The following TTN variants were observed in gnomAD, a reference collection of about 807,000 sequenced individuals.
TTN encodes the protein titin.
A neutral mutation model predicts 3,223.0 loss-of-function variants in TTN; 1,525 were observed. The ratio of observed to expected loss-of-function variants is 0.47; its 90% confidence interval spans 0.45 to 0.49. The LOEUF (loss-of-function observed/expected upper bound fraction) is 0.49, where lower values mean the gene tolerates loss of function less well. Among genes scored for constraint, TTN ranks in the 20% least tolerant of loss-of-function variants. The pLI is 0.00. For synonymous variants in TTN, 14,094 were observed against 15,161.0 expected (o/e 0.93, Z 5.17); for missense variants, 40,786 against 43,424.0 (o/e 0.94, Z 5.40).
Position 178,734,615 on chromosome 2 carries a change from G to A in TTN, c.15218-9C>T. On this transcript the variant is annotated splice_polypyrimidine_tract_variant and intron_variant, in intron 51 of 362. Transcript: ENST00000589042. ...GATGAAAGAAGGAGGTTCTACAAAA[G>A]CATGAAAGCATTGTGTAAGTAATGG... 6.4e-7 allele frequency: 1 copy of A among 1,559,666 alleles called. No individual in the cohort carries two copies. Among genetic ancestry groups the A allele is most frequent in the South Asian group, 1.2e-5 (1 of 80,210 alleles).
At position 178,741,091 on chromosome 2, in the gene TTN, C is replaced by A. The variant is rs1020592902; in HGVS notation, c.12142G>T (p.Ala4048Ser). Reference sequence around the variant, plus strand: ...GGTGTCTGTGGAAAATCCTCAGGAGCCTCTGGTGTGGACTTTGCTTTGCAG... The same window carrying A: ...GGTGTCTGTGGAAAATCCTCAGGAGACTCTGGTGTGGACTTTGCTTTGCAG... Reference protein sequence around the residue: ...TPCKAKSTPEAPEDFPQTPLK... With the variant: ...TPCKAKSTPESPEDFPQTPLK... Residue 4048 changes from alanine to serine, a missense_variant, in exon 48 of 363, where the codon GCT becomes TCT. Coordinates refer to ENST00000589042, the MANE Select transcript of TTN (RefSeq NM_001267550.2). 4.3e-6 allele frequency: 7 copies of A among 1,613,736 alleles called. No individual in the cohort carries two copies. In the African/African-American group the frequency reaches 9.3e-5, roughly 22 times the overall value.
At chr2:178,647,911 G>A (rs2062275866) in intron 213 of TTN, among the ~76,000 whole-genome samples, 2 of 151,936 alleles carry the variant, frequency 1.3e-5, no homozygotes, top group South Asian at 4.2e-4. Flanking sequence ...CATTCTTTTG[G>A]CCATCTAGCT....
rs201304715 is a variant in TTN at position 178,751,488 on chromosome 2, T to A, written c.11311+1636A>T. On this transcript the variant is annotated intron_variant, in intron 47 of 362. Transcript: ENST00000589042. The stretch of plus-strand genomic sequence containing the variant: ...TGTTTTTTGTTAAAGGGAGAGCCAG[T>A]AAACCTCAGGTCAACCTTTATCCTA... 80 of 1,613,410 alleles carry A rather than the reference T, an allele frequency of 5.0e-5. No individual in the cohort carries two copies. Among genetic ancestry groups the A allele is most frequent in the Non-Finnish European group, 6.2e-5 (73 of 1,179,528 alleles).
At chr2:178,663,943 G>C in intron 169 of TTN, 41 bp from the exon 170 acceptor site, 2 of 1,611,746 alleles carry the variant, frequency 1.2e-6, no homozygotes, top group South Asian at 2.2e-5. Context: ...GTGTTATGAA[G>C]ACCGCTAGAA....
intron 300 of TTN, 29 bp downstream of exon 300, chr2:178,592,746 G>A: frequency 3.7e-6 from 6 of 1,612,478 alleles, no homozygotes; most frequent in Non-Finnish European, 5.1e-6. Context: ...TATTTTCCTT[G>A]CAAACACAAG....
chr2:178,581,795 C>A lies in TTN; in HGVS notation c.66473G>T (p.Gly22158Val), dbSNP rs569333267. 3 of 1,595,518 alleles carry A rather than the reference C, an allele frequency of 1.9e-6. No homozygotes were observed. The African/African-American group carries it at 4.1e-5, about 22-fold the overall frequency. ...AYARDPQYPPGPPAFPKVYDT... is the reference protein window; with the variant it reads ...AYARDPQYPPVPPAFPKVYDT... ...ATATACTTTAGGGAAAGCCGGTGGG[C>A]CAGGAGGATCTGAGAATAAATAATG... The change falls in exon 316 of 363, where the codon GGC becomes GTC. Residue 22158 changes from glycine (G) to valine (V), a missense_variant. By Grantham distance (109) the Gly-to-Val change is moderately radical. Coordinates refer to ENST00000589042, the MANE Select transcript of TTN (RefSeq NM_001267550.2).
At position 178,550,076 on chromosome 2, in the gene TTN, C is replaced by G. The variant is rs878854399; in HGVS notation, c.91762G>C (p.Asp30588His). The change falls in exon 337 of 363, where the codon GAT (aspartate) becomes CAT (histidine). Residue 30588 changes from aspartate (D) to histidine (H), a missense_variant. Coordinates refer to ENST00000589042, the MANE Select transcript of TTN (RefSeq NM_001267550.2). ...VLGSTSLFVR[D>H]ATRDHRGVYT... ...ACACCACGATGGTCCCGAGTAGCATCTCTAACAAATAGGCTGGTGGATCCA... is the reference window on the plus strand; with the variant it reads ...ACACCACGATGGTCCCGAGTAGCATGTCTAACAAATAGGCTGGTGGATCCA... The G allele has an allele frequency of 1.2e-6, 2 of 1,613,802 alleles. No homozygotes were observed. The highest frequency in any genetic ancestry group is 1.7e-5 in the Admixed American group (1 of 60,004).
chr2:178,527,807 A>G, intron 361 of TTN, 59 bp from the exon 362 acceptor site: 8 of 1,463,174 alleles, frequency 5.5e-6, no homozygotes, highest in Non-Finnish European at 9.2e-7. Context: ...TTGATGACAT[A>G]TGACGCTGAC....
chr2:178,774,223 A>G lies in TTN; in HGVS notation c.7041T>C (p.Cys2347=). The G allele has an allele frequency of 6.2e-7, 1 of 1,614,056 alleles. No individual in the cohort carries two copies. ...AGGACTTACGTTTCATCTTTAATTT[A>G]CAGGTTGTCTTTTTCCCGTCGATGA... The part of the protein sequence containing the change: ...SFVIDGKKTT[C]KLKMKPRPIA... Residue 2347 remains cysteine (C), a synonymous_variant, in exon 30 of 363, where the codon TGT becomes TGC. Coordinates refer to ENST00000589042, the MANE Select transcript of TTN (RefSeq NM_001267550.2).
chr2:178,640,110 A>G lies in TTN; in HGVS notation c.40724T>C (p.Val13575Ala), dbSNP rs2061033120. 2 of 1,611,564 alleles carry G rather than the reference A, an allele frequency of 1.2e-6. No individual in the cohort carries two copies. The highest frequency in any genetic ancestry group is 1.7e-5 in the Admixed American group (1 of 59,750). The part of the protein sequence containing the change: ...RERKIPEPTK[V>A]PEIKPAIPLP... ...AGGTATTGCTGGCTTGATTTCAGGCACTGAAATAATTTAGAGTAGAGGGCA... is the reference window on the plus strand; with the variant it reads ...AGGTATTGCTGGCTTGATTTCAGGCGCTGAAATAATTTAGAGTAGAGGGCA... The change falls in exon 222 of 363, where the codon GTG becomes GCG. Residue 13575 changes from valine (V) to alanine (A), a missense_variant and splice_region_variant. Coordinates refer to ENST00000589042, the MANE Select transcript of TTN (RefSeq NM_001267550.2).
chr2:178,647,191 T>C, intron 214 of TTN, 47 bp from the exon 215 acceptor site: 1 of 1,198,530 alleles, frequency 8.3e-7, no homozygotes, highest in Non-Finnish European at 1.1e-6. Flanking sequence ...TAGAACAGAA[T>C]ACTGCAACTA....
intron 24 of TTN, 190 bp from the exon 25 acceptor site, chr2:178,778,165 A>G: frequency 1.1e-5 from 8 of 750,296 alleles, no homozygotes; most frequent in Non-Finnish European, 1.7e-5. Flanking sequence ...TGTTTTTCCT[A>G]TATTCTCAAT....
intron 24 of TTN, 27 bp from the exon 25 acceptor site, chr2:178,778,002 T>C: frequency 1.2e-6 from 2 of 1,609,186 alleles, no homozygotes; most frequent in Non-Finnish European, 1.7e-6. Flanking sequence ...CACAATACTT[T>C]CGTGAGGCAT....
At chr2:178,781,927 T>TGG (rs1015973975) in intron 20 of TTN, among the ~76,000 whole-genome samples, 2 of 151,272 alleles carry the variant, frequency 1.3e-5, no homozygotes, top group African/African-American at 4.9e-5. Context: ...TGTGTGTGTG[T>TGG]GTGGGTGTGT....
intron 7 of TTN, 56 bp downstream of exon 7, chr2:178,794,866 C>T (rs974544426): frequency 1.4e-5 from 22 of 1,583,632 alleles, no homozygotes; most frequent in Non-Finnish European, 1.8e-5. Context: ...TGGCAGAAAT[C>T]CAGTTGGAGA....
chr2:178,721,071 G>T lies in TTN; in HGVS notation c.22948C>A (p.His7650Asn), dbSNP rs868182073. ...GACATGTTGTATTTCCAACTTTCAT[G>T]AAGTTCGCTGTCATTTCGGAACCAT... ...VSWFRNDSEL[H>N]ESWKYNMSFI... is the part of the protein sequence containing the mutation. The change falls in exon 79 of 363, where the codon CAT becomes AAT. Residue 7650 changes from histidine (H) to asparagine (N), a missense_variant. Transcript: ENST00000589042. 2 of 1,613,150 alleles carry T rather than the reference G, an allele frequency of 1.2e-6. No individual in the cohort carries two copies. The highest frequency in any genetic ancestry group is 1.7e-6 in the Non-Finnish European group (2 of 1,179,384).
rs552189742 is a variant in TTN, at chr2:178,730,317, C to G, written c.18083G>C (p.Arg6028Thr). ...PQSQDVNPNT[R>T]VQLKALVGGT... ...ACCCACAAGAGCCTTTAACTGTACCCTTGTGTTGGGATTGACATCTTGTGA... is the reference window on the plus strand; with the variant it reads ...ACCCACAAGAGCCTTTAACTGTACCGTTGTGTTGGGATTGACATCTTGTGA... The change falls in exon 62 of 363, where the codon AGG (arginine) becomes ACG (threonine). Residue 6028 changes from arginine to threonine, a missense_variant. Physicochemically the swap from Arg to Thr is moderately conservative, Grantham distance 71. Transcript: ENST00000589042. The G allele has an allele frequency of 6.2e-7, 1 of 1,611,208 alleles. No individual in the cohort carries two copies. Among genetic ancestry groups the G allele is most frequent in the African/African-American group, 1.3e-5 (1 of 74,838 alleles).
intron 50 of TTN, among the ~76,000 whole-genome samples, 161 bp downstream of exon 50, chr2:178,735,350 A>G (rs945375131): frequency 6.6e-5 from 10 of 152,244 alleles, no homozygotes; most frequent in African/African-American, 2.4e-4. Flanking sequence ...AGGATTAAAA[A>G]AATAAAATCA....
chr2:178,610,513 T>A, intron 270 of TTN, 124 bp from the exon 271 acceptor site: 1 of 1,016,904 alleles, frequency 9.8e-7, no homozygotes, highest in Non-Finnish European at 1.4e-6. Flanking sequence ...TGGAGTGTCA[T>A]TCACACTGCA....
Sources: allele counts gnomAD v4.1 joint callset (sites outside exome capture counted in the v4.1 genomes callset), GRCh38; gene constraint gnomAD v4.1.1; transcripts MANE v1.5; gene names NCBI Gene and HGNC (gene_info 2026-07-23, HGNC 2026-07-21).